The following TUBGCP3 variants were observed in gnomAD, a reference collection of about 807,000 sequenced individuals.
TUBGCP3 encodes the protein gamma-tubulin complex component 3.
A neutral mutation model predicts 123.1 loss-of-function variants in TUBGCP3; 50 were observed. The observed-to-expected ratio is 0.41, with a 90% confidence interval of 0.32 to 0.51. TUBGCP3 has a LOEUF of 0.51. Among genes scored for constraint, TUBGCP3 ranks in the 20% least tolerant of loss-of-function variants. The pLI is 0.36. For synonymous variants in TUBGCP3, 405 were observed against 413.9 expected, an observed-to-expected ratio of 0.98 and a Z score of 0.26; for missense variants, 882 against 1,127.0, an observed-to-expected ratio of 0.78 and a Z score of 3.11.
intron 19 of TUBGCP3, 128 bp downstream of exon 19, chr13:112,503,904 T>A (rs773074003): frequency 3.1e-5 from 39 of 1,238,594 alleles, no homozygotes; most frequent in Non-Finnish European, 4.2e-5. Context: ...AAACTTTTAA[T>A]AAAATTATCT....
intron 19 of TUBGCP3, 23 bp from the exon 20 acceptor site, chr13:112,499,208 A>T: frequency 6.3e-7 from 1 of 1,584,188 alleles, no homozygotes; most frequent in Non-Finnish European, 8.6e-7. Flanking sequence ...ACAATGTTTT[A>T]TGAATAGAGC....
intron 11 of TUBGCP3, among the ~76,000 whole-genome samples, chr13:112,544,264 T>C (rs188054489): frequency 0.012 from 1,891 of 151,952 alleles, 32 homozygotes; most frequent in African/African-American, 0.042. Context: ...CCATCCTGGC[T>C]AACACAGTGA....
chr13:112,487,506 C>A, intron 21 of TUBGCP3, among the ~76,000 whole-genome samples: 1 of 152,150 alleles, frequency 6.6e-6, no homozygotes, highest in African/African-American at 2.4e-5. Flanking sequence ...CAGAAATAAG[C>A]ACACAGACAA....
At chr13:112,588,946 G>A (rs1219505670), upstream of TUBGCP3, among the ~76,000 whole-genome samples, 1 of 152,228 alleles carries the variant, frequency 6.6e-6, no homozygotes, top group Non-Finnish European at 1.5e-5. Flanking sequence ...TCAGGTTGCA[G>A]AATTGTTGGC....
chr13:112,562,990 C>G (rs1880640662), intron 3 of TUBGCP3, among the ~76,000 whole-genome samples: 1 of 152,220 alleles, frequency 6.6e-6, no homozygotes, highest in Admixed American at 6.5e-5. Flanking sequence ...GTTCCCTGCC[C>G]TCGAGGCCAG....
Position 112,556,311 on chromosome 13 carries a change from C to G in TUBGCP3, c.549-87G>C. 2.4e-6 allele frequency: 3 copies of G among 1,256,202 alleles called. No individual in the cohort carries two copies. In the South Asian group the frequency reaches 4.3e-5, roughly 18 times the overall value. The allele number at this position is 1,256,202 out of a possible 1,614,324, so 77.8% of individuals were successfully genotyped here. A position where few individuals can be genotyped will look rare whatever the true frequency, so the allele number is the denominator to read the frequency against. On this transcript the variant is annotated intron_variant, in intron 5 of 21. Coordinates refer to ENST00000261965, the MANE Select transcript of TUBGCP3 (RefSeq NM_006322.6). ...CTAGAAATTTCTCTTGTATTACTAT[C>G]GTGAATTACATAAATTTATAAATCT...
chr13:112,560,962 G>A (rs1396710704), intron 3 of TUBGCP3, among the ~76,000 whole-genome samples: 2 of 150,262 alleles, frequency 1.3e-5, no homozygotes, highest in Admixed American at 1.3e-4. Context: ...CCGTGTAGAG[G>A]GAGGGACAGG....
At chr13:112,577,871 C>T (rs975410505) in intron 1 of TUBGCP3, among the ~76,000 whole-genome samples, 5 of 152,228 alleles carry the variant, frequency 3.3e-5, no homozygotes, top group South Asian at 2.1e-4. Context: ...AACTTTTAGT[C>T]TTCAAGATAA....
upstream of TUBGCP3, among the ~76,000 whole-genome samples, chr13:112,592,995 G>A (rs955988853): frequency 7.9e-5 from 12 of 152,194 alleles, no homozygotes; most frequent in Admixed American, 5.9e-4. This position sits in a 1 kb window ranked among gnomAD's most constrained non-coding sequence, Gnocchi z 4.1. Flanking sequence ...AAATATTGAC[G>A]GGATGCTGCT....
intron 1 of TUBGCP3, chr13:112,587,135 C>T (rs1882661669): frequency 6.6e-6 from 1 of 152,172 alleles, no homozygotes; most frequent in African/African-American, 2.4e-5. Context: ...CATCCTCACT[C>T]TCTGCCCCAC....
chr13:112,588,448 C>A (rs1055557067), upstream of TUBGCP3, among the ~76,000 whole-genome samples: 3 of 152,126 alleles, frequency 2.0e-5, no homozygotes, highest in Non-Finnish European at 4.4e-5. Context: ...ATTCACACTT[C>A]TGATGAAAGA....
chr13:112,496,313 G>A lies in TUBGCP3; in HGVS notation c.2448+2732C>T, dbSNP rs1263048017. Among the ~76,000 whole-genome samples the A allele has an allele frequency of 4.6e-5, 7 of 152,214 alleles. No individual in the cohort carries two copies. The South Asian group carries it at 8.3e-4, about 18-fold the overall frequency. ...AGGAGGAAGAGAAGGGCCCTTTGGA[G>A]TCCCCCACACAATGGCAGCATAAGA... On this transcript the variant is annotated intron_variant, in intron 20 of 21. Transcript: ENST00000261965.
intron 13 of TUBGCP3, among the ~76,000 whole-genome samples, chr13:112,523,922 T>C (rs1185266579): frequency 6.6e-6 from 1 of 152,262 alleles, no homozygotes; most frequent in Non-Finnish European, 1.5e-5. Flanking sequence ...ATTTGCATCT[T>C]CTGTCTTCCC....
intron 20 of TUBGCP3, among the ~76,000 whole-genome samples, chr13:112,494,810 T>C (rs1035836340): frequency 6.6e-6 from 1 of 152,212 alleles, no homozygotes. Context: ...CTGCATTTCT[T>C]TGATAACCCA....
intron 8 of TUBGCP3, among the ~76,000 whole-genome samples, chr13:112,549,603 A>G (rs1879382782): frequency 6.6e-6 from 1 of 152,142 alleles, no homozygotes; most frequent in Non-Finnish European, 1.5e-5. Flanking sequence ...TGGCAGCTCA[A>G]TGCCAATCCT....
intron 19 of TUBGCP3, among the ~76,000 whole-genome samples, chr13:112,502,689 G>A (rs1418021521): frequency 6.6e-6 from 1 of 151,720 alleles, no homozygotes; most frequent in East Asian, 1.9e-4. Context: ...GGGAGTACAG[G>A]TGTCCACCAC....
intron 16 of TUBGCP3, 57 bp from the exon 17 acceptor site, chr13:112,516,632 A>G: frequency 6.5e-7 from 1 of 1,537,678 alleles, no homozygotes; most frequent in Non-Finnish European, 8.8e-7. Flanking sequence ...TCCTCTCAGT[A>G]CAGGTCTCAA....
At position 112,548,181 on chromosome 13, in the gene TUBGCP3, T is replaced by G. The variant is rs1879225058; in HGVS notation, c.967-5A>C. Reference sequence around the variant, plus strand: ...GTGCAAGGCAGCACAAAAGCTCTGTTTGGAGGAGAAATATAATTAAAGCAC... The same window carrying G: ...GTGCAAGGCAGCACAAAAGCTCTGTGTGGAGGAGAAATATAATTAAAGCAC... On this transcript the variant is annotated splice_polypyrimidine_tract_variant and splice_region_variant and intron_variant, in intron 8 of 21. Transcript: ENST00000261965. The G allele has an allele frequency of 6.3e-7, 1 of 1,597,666 alleles. No homozygotes were observed. Among genetic ancestry groups the G allele is most frequent in the South Asian group, 1.1e-5 (1 of 87,502 alleles).
the TUBGCP3 span, among the ~76,000 whole-genome samples, chr13:112,599,854 C>G: frequency 6.6e-6 from 1 of 152,086 alleles, no homozygotes; most frequent in African/African-American, 2.4e-5. Flanking sequence ...AGATTTTATA[C>G]CATTTTTATA....
Sources: allele counts gnomAD v4.1 joint callset (sites outside exome capture counted in the v4.1 genomes callset), GRCh38; gene constraint gnomAD v4.1.1; non-coding constraint Gnocchi (gnomAD v3.1); transcripts MANE v1.5; gene names NCBI Gene and HGNC (gene_info 2026-07-23, HGNC 2026-07-21).